The following LYPD6B variants were observed in gnomAD, a reference collection of about 807,000 sequenced individuals.
LYPD6B encodes the protein LY6/PLAUR domain containing 6B, also known as ly6/PLAUR domain-containing protein 6B.
A neutral mutation model predicts 22.8 loss-of-function variants in LYPD6B; 17 were observed. The ratio of observed to expected loss-of-function variants is 0.75; its 90% CI spans 0.51 to 1.12. The LOEUF (loss-of-function observed/expected upper bound fraction) is 1.12. LYPD6B is among the 50% of genes most tolerant of loss of function. The pLI, the probability that LYPD6B is intolerant of heterozygous loss-of-function variation, is 0.00. For missense variants in LYPD6B, 221 were observed against 258.3 expected (o/e 0.86, Z 0.99); for synonymous variants, 106 against 91.6 (o/e 1.16, Z -0.90).
Position 149,164,168 on chromosome 2 carries a change from T to C in LYPD6B, c.77+3333T>C, listed in dbSNP as rs114675028. 6.8e-3 allele frequency among the ~76,000 whole-genome samples: 1,034 copies of C among 152,194 alleles called. 13 individuals carry two copies. Among genetic ancestry groups the C allele is most frequent in the African/African-American group, 0.024 (997 of 41,530 alleles). ...GTTGATGAAACTTCTGTGGAGGGAA[T>C]TGATGACAACCTAGTTTCTTTTGGA... On this transcript the variant is annotated intron_variant, in intron 3 of 6. Coordinates refer to ENST00000409642, the MANE Select transcript of LYPD6B (RefSeq NM_177964.5).
intron 3 of LYPD6B, among the ~76,000 whole-genome samples, chr2:149,201,153 G>A (rs776793387): frequency 1.1e-4 from 16 of 152,134 alleles, no homozygotes; most frequent in Non-Finnish European, 2.1e-4. Flanking sequence ...GCAAGAAGTC[G>A]CTCTTAACCA....
intron 2 of LYPD6B, among the ~76,000 whole-genome samples, chr2:149,146,027 G>C (rs910150646): frequency 1.3e-5 from 2 of 152,180 alleles, no homozygotes; most frequent in Non-Finnish European, 2.9e-5. Context: ...GTTCTGCTGA[G>C]ATAGTGTGTT....
At chr2:149,140,140 G>A (rs1191468420) in intron 2 of LYPD6B, among the ~76,000 whole-genome samples, 2 of 152,186 alleles carry the variant, frequency 1.3e-5, no homozygotes, top group African/African-American at 4.8e-5. Flanking sequence ...ATGTGCATGT[G>A]GGAGGGATTG....
At chr2:149,072,482 T>TTTTTA (rs59980462) in intron 1 of LYPD6B, among the ~76,000 whole-genome samples, 15,160 of 129,668 alleles carry the variant, frequency 0.12, 1,127 homozygotes, top group African/African-American at 0.17. Context: ...AGGGTGGTTA[T>TTTTTA]TTTTATTTTA....
At chr2:149,190,003 A>C (rs905850694) in intron 3 of LYPD6B, among the ~76,000 whole-genome samples, 1 of 152,216 alleles carries the variant, frequency 6.6e-6, no homozygotes, top group Non-Finnish European at 1.5e-5. Flanking sequence ...TGAGTCATGC[A>C]TTCACATGGA....
At chr2:149,159,489 A>G (rs1289001723) in intron 2 of LYPD6B, among the ~76,000 whole-genome samples, 1 of 151,836 alleles carries the variant, frequency 6.6e-6, no homozygotes, top group African/African-American at 2.4e-5. Flanking sequence ...TACATAGTAT[A>G]TATGTTTTGT....
intron 3 of LYPD6B, among the ~76,000 whole-genome samples, chr2:149,178,494 C>A (rs1364080846): frequency 1.3e-5 from 2 of 152,070 alleles, no homozygotes; most frequent in South Asian, 4.2e-4. Context: ...CAACAAACAA[C>A]GAAGTGACGG....
chr2:149,146,393 G>T (rs1689027884), intron 2 of LYPD6B, among the ~76,000 whole-genome samples: 1 of 152,116 alleles, frequency 6.6e-6, no homozygotes. Context: ...CATATCCAGA[G>T]GCTCTGCGGA....
At chr2:149,099,994 A>G (rs1299827730) in intron 1 of LYPD6B, among the ~76,000 whole-genome samples, 1 of 152,128 alleles carries the variant, frequency 6.6e-6, no homozygotes, top group Non-Finnish European at 1.5e-5. Context: ...TGCTGTTCTG[A>G]ATGAGCAGTT....
At chr2:149,083,923 A>G (rs947234469) in intron 1 of LYPD6B, among the ~76,000 whole-genome samples, 1 of 149,168 alleles carries the variant, frequency 6.7e-6, no homozygotes, top group Admixed American at 6.8e-5. Context: ...AAAATAAAAA[A>G]ACAAAAAACA....
intron 3 of LYPD6B, among the ~76,000 whole-genome samples, chr2:149,182,102 A>G (rs1691772906): frequency 6.6e-6 from 1 of 152,334 alleles, no homozygotes; most frequent in Admixed American, 6.5e-5. Context: ...GTAAGAGTCA[A>G]AGAGGTATTG....
At chr2:149,147,650 A>G (rs903850336) in intron 2 of LYPD6B, among the ~76,000 whole-genome samples, 1 of 152,178 alleles carries the variant, frequency 6.6e-6, no homozygotes, top group South Asian at 2.1e-4. Flanking sequence ...AGTAGCTGGG[A>G]TTACAGATGA....
At chr2:149,176,898 ACT>A (rs1691349059) in intron 3 of LYPD6B, among the ~76,000 whole-genome samples, 1 of 151,896 alleles carries the variant, frequency 6.6e-6, no homozygotes, top group South Asian at 2.1e-4. Flanking sequence ...ACCAATAATA[ACT>A]CTGCTAAAAA....
intron 6 of LYPD6B, among the ~76,000 whole-genome samples, chr2:149,214,142 T>A (rs879728084): frequency 6.6e-6 from 1 of 152,212 alleles, no homozygotes; most frequent in Non-Finnish European, 1.5e-5. Context: ...GTCATTATTA[T>A]CCCCTAACAA....
chr2:149,204,511 C>T (rs1371107326), intron 3 of LYPD6B: 2 of 154,424 alleles, frequency 1.3e-5, no homozygotes, highest in African/African-American at 2.4e-5. Context: ...CCCCTGCCTA[C>T]TTGAAGTCTA....
intron 1 of LYPD6B, among the ~76,000 whole-genome samples, chr2:149,127,718 C>T (rs1402862215): frequency 2.0e-5 from 3 of 152,130 alleles, no homozygotes; most frequent in Non-Finnish European, 4.4e-5. Context: ...TATACTGTAG[C>T]AGGAAGACCT....
At chr2:149,087,765 G>C (rs1207381439) in intron 1 of LYPD6B, among the ~76,000 whole-genome samples, 1 of 152,114 alleles carries the variant, frequency 6.6e-6, no homozygotes, top group African/African-American at 2.4e-5. Context: ...AGAATCAAAT[G>C]CAATGCTCTA....
intron 3 of LYPD6B, among the ~76,000 whole-genome samples, chr2:149,176,528 G>A (rs188735195): frequency 5.9e-5 from 9 of 152,226 alleles, no homozygotes; most frequent in Non-Finnish European, 8.8e-5. Flanking sequence ...TTGATAAGTT[G>A]TCTGGAGCTG....
intron 1 of LYPD6B, among the ~76,000 whole-genome samples, chr2:149,053,420 A>G (rs1166308211): frequency 6.6e-6 from 1 of 152,234 alleles, no homozygotes; most frequent in Non-Finnish European, 1.5e-5. Flanking sequence ...TTACAGCTAA[A>G]GTTGTAACAT....
Sources: gnomAD v4.1 joint callset for allele counts (sites outside exome capture counted in the v4.1 genomes callset) on GRCh38, gnomAD v4.1.1 for gene constraint, MANE v1.5 for transcripts, NCBI Gene and HGNC (gene_info 2026-07-23, HGNC 2026-07-21) for gene names.